KCNB2: variants seen among roughly 807,000 people sequenced by gnomAD.
KCNB2 encodes delayed rectifier potassium channel protein.
KCNB2 carries 15 observed loss-of-function variants against 61.5 expected under a neutral mutation model. The observed-to-expected ratio is 0.24, with a 90% CI of 0.16 to 0.38. KCNB2 has a LOEUF of 0.38. Among genes scored for constraint, KCNB2 ranks in the 10% least tolerant of loss-of-function variants. The probability of loss-of-function intolerance (pLI) is 1.00; values close to 1 mark genes in which losing one functional copy is unlikely to be tolerated. For missense variants in KCNB2, 828 were observed against 1,125.2 expected (o/e 0.74, Z 3.78); for synonymous variants, 457 against 446.0 (o/e 1.02, Z -0.31).
chr8:72,614,146 T>C (rs1403080922), intron 2 of KCNB2, among the ~76,000 whole-genome samples: 1 of 152,200 alleles, frequency 6.6e-6, no homozygotes, highest in Non-Finnish European at 1.5e-5. Flanking sequence ...TAGGCAACTC[T>C]TGTTTCTGAT....
At chr8:72,917,674 G>A (rs983645021) in intron 2 of KCNB2, among the ~76,000 whole-genome samples, 1 of 152,130 alleles carries the variant, frequency 6.6e-6, no homozygotes, top group African/African-American at 2.4e-5. Flanking sequence ...TAAAAGAATG[G>A]TGGTCCCTTA....
chr8:72,795,103 C>T (rs918451117), intron 2 of KCNB2, among the ~76,000 whole-genome samples: 1 of 152,062 alleles, frequency 6.6e-6, no homozygotes, highest in African/African-American at 2.4e-5. Context: ...TGTGTGGGAT[C>T]GGTACAAGAT....
chr8:72,784,706 G>A (rs1198229511), intron 2 of KCNB2, among the ~76,000 whole-genome samples: 2 of 152,146 alleles, frequency 1.3e-5, no homozygotes, highest in African/African-American at 2.4e-5. Flanking sequence ...CCTCACATGA[G>A]GTCCCACTCC....
intron 2 of KCNB2, among the ~76,000 whole-genome samples, chr8:72,872,272 G>A (rs1167663233): frequency 1.3e-5 from 2 of 152,194 alleles, no homozygotes; most frequent in African/African-American, 4.8e-5. Flanking sequence ...GATTGTAATT[G>A]ACTAAAGTTC....
chr8:72,547,703 A>G (rs1394582252), intron 1 of KCNB2, among the ~76,000 whole-genome samples: 2 of 152,246 alleles, frequency 1.3e-5, no homozygotes, highest in Non-Finnish European at 2.9e-5. Context: ...ACGAGCAAAG[A>G]AAGTGATTTC....
chr8:72,803,957 T>A (rs551454467), intron 2 of KCNB2, among the ~76,000 whole-genome samples: 32 of 152,112 alleles, frequency 2.1e-4, no homozygotes, highest in Non-Finnish European at 2.5e-4. Context: ...TTTACAAGGG[T>A]AGCAGAAAGT....
intron 2 of KCNB2, among the ~76,000 whole-genome samples, chr8:72,587,359 G>A (rs1428900289): frequency 1.3e-5 from 2 of 152,106 alleles, no homozygotes; most frequent in African/African-American, 2.4e-5. Context: ...TCTGTGGATG[G>A]TGGCTCAGTG....
chr8:72,810,721 C>T (rs1369229353), intron 2 of KCNB2, among the ~76,000 whole-genome samples: 1 of 152,126 alleles, frequency 6.6e-6, no homozygotes, highest in African/African-American at 2.4e-5. Flanking sequence ...CAAACATTTC[C>T]TATATTCATT....
chr8:72,705,832 C>A (rs904934684), intron 2 of KCNB2, among the ~76,000 whole-genome samples: 2 of 152,316 alleles, frequency 1.3e-5, no homozygotes, highest in South Asian at 2.1e-4. Context: ...GCACCCCAAG[C>A]ACCCTCAATG....
intron 2 of KCNB2, among the ~76,000 whole-genome samples, chr8:72,922,093 A>C (rs1164990294): frequency 1.3e-5 from 2 of 152,172 alleles, no homozygotes; most frequent in Non-Finnish European, 2.9e-5. Context: ...GCTTCTTCTG[A>C]ATGTGCTAGA....
At chr8:72,801,641 A>G (rs1396135313) in intron 2 of KCNB2, among the ~76,000 whole-genome samples, 1 of 152,008 alleles carries the variant, frequency 6.6e-6, no homozygotes, top group African/African-American at 2.4e-5. Flanking sequence ...CATTGAGTAA[A>G]CTCTTCGCTA....
intron 1 of KCNB2, among the ~76,000 whole-genome samples, chr8:72,561,753 A>ATT (rs1563523509): frequency 4.1e-5 from 1 of 24,336 alleles, no homozygotes; most frequent in Non-Finnish European, 6.1e-5. Context: ...ATATGTATAT[A>ATT]TATATATGGA....
At chr8:72,714,515 T>G (rs1807389474) in intron 2 of KCNB2, among the ~76,000 whole-genome samples, 1 of 151,682 alleles carries the variant, frequency 6.6e-6, no homozygotes, top group African/African-American at 2.4e-5. Flanking sequence ...TCAACATTCT[T>G]AAAGAAAAGA....
chr8:72,650,463 A>G (rs1412987368), intron 2 of KCNB2, among the ~76,000 whole-genome samples: 3 of 152,208 alleles, frequency 2.0e-5, no homozygotes, highest in Non-Finnish European at 4.4e-5. Context: ...AGTACATTTC[A>G]TCATTTAATC....
chr8:72,645,354 C>G (rs1281768555), intron 2 of KCNB2, among the ~76,000 whole-genome samples: 1 of 152,118 alleles, frequency 6.6e-6, no homozygotes, highest in Non-Finnish European at 1.5e-5. Context: ...GCATCAGCTG[C>G]TCCTGTACTC....
At chr8:72,807,349 G>A (rs1174556100) in intron 2 of KCNB2, among the ~76,000 whole-genome samples, 2 of 152,200 alleles carry the variant, frequency 1.3e-5, no homozygotes, top group South Asian at 2.1e-4. Context: ...CAAGGTTCTT[G>A]TGAGAATCAT....
Position 72,772,793 on chromosome 8 carries a change from G to C in KCNB2, c.580-163142G>C, listed in dbSNP as rs1434298934. Among the ~76,000 whole-genome samples the C allele has an allele frequency of 3.3e-5, 5 of 152,180 alleles. No homozygotes were observed. In the East Asian group the frequency reaches 9.6e-4, roughly 29 times the overall value. On this transcript the variant is annotated intron_variant, in intron 2 of 2. Transcript: ENST00000523207. Reference sequence around the variant, plus strand: ...ATTTCACATAAATACCTGGATGAAAGATGTTCTGTTCCAAAGCATCAGTGG... The same window carrying C: ...ATTTCACATAAATACCTGGATGAAACATGTTCTGTTCCAAAGCATCAGTGG...
chr8:72,580,637 A>G (rs192313511), intron 2 of KCNB2, among the ~76,000 whole-genome samples: 48 of 152,254 alleles, frequency 3.2e-4, no homozygotes, highest in Non-Finnish European at 5.9e-4. Flanking sequence ...CTTGAATCCT[A>G]TTTACAACCA....
intron 2 of KCNB2, among the ~76,000 whole-genome samples, chr8:72,836,634 G>A (rs1418210266): frequency 6.6e-6 from 1 of 152,194 alleles, no homozygotes; most frequent in Non-Finnish European, 1.5e-5. Context: ...CAAGAGGATG[G>A]GCATAGTGGC....
Sources: gnomAD v4.1 joint callset for allele counts (sites outside exome capture counted in the v4.1 genomes callset) on GRCh38, gnomAD v4.1.1 for gene constraint, MANE v1.5 for transcripts, NCBI Gene and HGNC (gene_info 2026-07-23, HGNC 2026-07-21) for gene names.